Variants in DOCK3 observed in about 807,000 individuals in gnomAD.
DOCK3 encodes the protein dedicator of cytokinesis 3, also known as dedicator of cytokinesis protein 3.
In DOCK3, 60 loss-of-function variants were observed where a neutral mutation model predicts 265.6. That is an observed-to-expected ratio of 0.23 (90% confidence interval 0.18 to 0.28). The LOEUF is 0.28. Among genes scored for constraint, DOCK3 ranks in the 10% least tolerant of loss-of-function variants. DOCK3 has a pLI of 1.00. For missense variants in DOCK3, 1,981 were observed against 2,594.3 expected (o/e 0.76, Z 5.14); for synonymous variants, 881 against 938.0 (o/e 0.94, Z 1.11).
At chr3:50,748,374 C>T (rs956716730) in intron 1 of DOCK3, among the ~76,000 whole-genome samples, 2 of 152,050 alleles carry the variant, frequency 1.3e-5, no homozygotes, top group African/African-American at 4.8e-5. Context: ...CTAGTGAGTT[C>T]CCACAGTGAA....
rs1203944863 is a variant in DOCK3 at position 50,675,839 on chromosome 3, C to T, written c.37+539C>T. Reference sequence around the variant, plus strand: ...TTTGCCTTTAGTATTAGAAATAATACCTTACGATGGGAAATGTTTTTGGAC... The same window carrying T: ...TTTGCCTTTAGTATTAGAAATAATATCTTACGATGGGAAATGTTTTTGGAC... On this transcript the variant is annotated intron_variant, in intron 1 of 52. Transcript: ENST00000266037. This position sits in a 1 kb window ranked among gnomAD's most constrained non-coding sequence, Gnocchi z 6.1. 6.6e-6 allele frequency among the ~76,000 whole-genome samples: 1 copy of T among 151,976 alleles called. No individual in the cohort carries two copies. Among genetic ancestry groups the T allele is most frequent in the African/African-American group, 2.4e-5 (1 of 41,346 alleles).
intron 7 of DOCK3, among the ~76,000 whole-genome samples, chr3:51,079,519 A>T (rs984499061): frequency 1.3e-4 from 20 of 151,674 alleles, no homozygotes; most frequent in African/African-American, 4.1e-4. Context: ...TATTATTATT[A>T]TTTTTATTTT....
chr3:50,940,901 A>C (rs1366099443), intron 5 of DOCK3, among the ~76,000 whole-genome samples: 1 of 152,194 alleles, frequency 6.6e-6, no homozygotes, highest in Non-Finnish European at 1.5e-5. Flanking sequence ...AACCCTGCCT[A>C]AGTATCATCC....
chr3:51,338,885 G>C, intron 36 of DOCK3, 50 bp from the exon 37 acceptor site: 3 of 1,502,712 alleles, frequency 2.0e-6, no homozygotes, highest in South Asian at 1.2e-5. Flanking sequence ...CCAGAGCTTG[G>C]CTATGGCTTC....
chr3:50,937,303 A>G (rs1242853281), intron 5 of DOCK3, among the ~76,000 whole-genome samples: 2 of 149,368 alleles, frequency 1.3e-5, no homozygotes, highest in African/African-American at 2.5e-5. Context: ...AAAAATTTAT[A>G]AAGTGGAGAG....
At chr3:50,779,788 T>G (rs2041822514) in intron 2 of DOCK3, among the ~76,000 whole-genome samples, 1 of 152,218 alleles carries the variant, frequency 6.6e-6, no homozygotes, top group Non-Finnish European at 1.5e-5. Flanking sequence ...ATCGTGTTCT[T>G]CAGAATCTGT....
chr3:50,878,674 G>A lies in DOCK3; in HGVS notation c.163-11352G>A, dbSNP rs187741594. On this transcript the variant is annotated intron_variant, in intron 3 of 52. Coordinates refer to ENST00000266037, the MANE Select transcript of DOCK3 (RefSeq NM_004947.5). ...TGATTGGTGTACCTGAAAGTGACAGGGAGAATGAAACCAAGTTGGAAAACA... is the reference window on the plus strand; with the variant it reads ...TGATTGGTGTACCTGAAAGTGACAGAGAGAATGAAACCAAGTTGGAAAACA... 3.9e-5 allele frequency among the ~76,000 whole-genome samples: 6 copies of A among 152,274 alleles called. No homozygotes were observed. The East Asian group carries it at 9.6e-4, about 24-fold the overall frequency.
intron 1 of DOCK3, among the ~76,000 whole-genome samples, chr3:50,713,690 A>G (rs2036917379): frequency 6.6e-6 from 1 of 151,722 alleles, no homozygotes; most frequent in South Asian, 2.1e-4. Flanking sequence ...TGAGCTCTGG[A>G]TGCAGATATC....
intron 5 of DOCK3, among the ~76,000 whole-genome samples, chr3:50,936,055 A>G (rs2051342638): frequency 6.6e-6 from 1 of 152,220 alleles, no homozygotes; most frequent in Non-Finnish European, 1.5e-5. Context: ...AGCAATTACA[A>G]ACACTCTTGA....
chr3:51,130,032 C>T (rs1352336626), intron 9 of DOCK3, among the ~76,000 whole-genome samples: 1 of 152,168 alleles, frequency 6.6e-6, no homozygotes, highest in Non-Finnish European at 1.5e-5. Flanking sequence ...TAGGAGGGTC[C>T]AAATGCAGCA....
intron 12 of DOCK3, among the ~76,000 whole-genome samples, chr3:51,173,407 G>A (rs993593085): frequency 2.6e-5 from 4 of 152,184 alleles, no homozygotes. Flanking sequence ...ACAGGCATAA[G>A]CCACCGTGCC....
chr3:51,320,693 G>A (rs2083660712), intron 32 of DOCK3, among the ~76,000 whole-genome samples: 1 of 152,170 alleles, frequency 6.6e-6, no homozygotes, highest in African/African-American at 2.4e-5. Context: ...CCCTCACAGT[G>A]GAAACAGAGC....
At chr3:51,143,714 T>C (rs921501004) in intron 9 of DOCK3, among the ~76,000 whole-genome samples, 1 of 152,236 alleles carries the variant, frequency 6.6e-6, no homozygotes, top group Non-Finnish European at 1.5e-5. Flanking sequence ...ATTGGACATT[T>C]TGTATGTTCT....
chr3:51,190,019 G>A (rs1432380684), intron 12 of DOCK3, among the ~76,000 whole-genome samples: 3 of 152,114 alleles, frequency 2.0e-5, no homozygotes, highest in Admixed American at 6.5e-5. Context: ...CTTCACAAGC[G>A]CAAAGGCTTT....
intron 2 of DOCK3, among the ~76,000 whole-genome samples, chr3:50,805,423 C>T (rs2043351828): frequency 6.6e-6 from 1 of 152,122 alleles, no homozygotes; most frequent in Non-Finnish European, 1.5e-5. Context: ...GGGGTTGGGG[C>T]CATGAGCCAT....
At chr3:50,907,533 T>C (rs1258718525) in intron 4 of DOCK3, among the ~76,000 whole-genome samples, 1 of 152,218 alleles carries the variant, frequency 6.6e-6, no homozygotes, top group East Asian at 1.9e-4. Flanking sequence ...TTTTTGATCT[T>C]TGTTGGTTTA....
At chr3:51,137,606 A>T (rs1452244520) in intron 9 of DOCK3, among the ~76,000 whole-genome samples, 1 of 152,190 alleles carries the variant, frequency 6.6e-6, no homozygotes, top group Non-Finnish European at 1.5e-5. Flanking sequence ...AAGAATTACA[A>T]ATCTCAAAAA....
chr3:50,799,077 CTGTG>C (rs1250843846), intron 2 of DOCK3, among the ~76,000 whole-genome samples: 1 of 152,088 alleles, frequency 6.6e-6, no homozygotes, highest in Non-Finnish European at 1.5e-5. Context: ...TTTTAGTGGT[CTGTG>C]TGTCTGTTTT....
intron 10 of DOCK3, among the ~76,000 whole-genome samples, chr3:51,157,796 CT>C (rs11404204): frequency 0.02 from 2,615 of 129,644 alleles, 36 homozygotes; most frequent in African/African-American, 0.069. Flanking sequence ...TTGATTGTAC[CT>C]TTTTTTTTTT....
Sources: gnomAD v4.1 joint callset for allele counts (sites outside exome capture counted in the v4.1 genomes callset) on GRCh38, gnomAD v4.1.1 for gene constraint, Gnocchi (gnomAD v3.1) non-coding constraint, MANE v1.5 for transcripts, NCBI Gene and HGNC (gene_info 2026-07-23, HGNC 2026-07-21) for gene names.